Variants in NALF1 observed in about 807,000 individuals in gnomAD.
NALF1 encodes the protein NALCN channel auxiliary factor 1, also known as family with sequence similarity 155 member A.
Under a neutral mutation model 48.4 loss-of-function variants are expected in NALF1, and 3 were observed. The observed-to-expected ratio is 0.06, with a 90% CI of 0.03 to 0.16. NALF1 has a LOEUF of 0.16. Among genes scored for constraint, NALF1 ranks in the 10% least tolerant of loss-of-function variants. The probability of loss-of-function intolerance (pLI) is 1.00; values close to 1 mark genes in which losing one functional copy is unlikely to be tolerated. For synonymous variants in NALF1, 262 were observed against 245.7 expected, an observed-to-expected ratio of 1.07 and a Z score of -0.62; for missense variants, 526 against 571.5, an observed-to-expected ratio of 0.92 and a Z score of 0.81.
chr13:107,783,206 C>CTG (rs1877966803), intron 1 of NALF1, among the ~76,000 whole-genome samples: 1 of 127,362 alleles, frequency 7.9e-6, no homozygotes, highest in Non-Finnish European at 1.7e-5. Flanking sequence ...GTCAGTCCCC[C>CTG]GCCCGGCCAG....
intron 1 of NALF1, among the ~76,000 whole-genome samples, chr13:107,424,482 T>C (rs999270513): frequency 1.3e-5 from 2 of 152,160 alleles, no homozygotes; most frequent in African/African-American, 4.8e-5. Context: ...GGGGAGGTGA[T>C]AGGGATACTG....
intron 1 of NALF1, among the ~76,000 whole-genome samples, chr13:107,456,496 T>C (rs1487362981): frequency 2.0e-5 from 3 of 152,200 alleles, no homozygotes; most frequent in Non-Finnish European, 2.9e-5. Context: ...GTTAGATTAA[T>C]GAAATACTCA....
At chr13:107,269,882 G>A (rs1782905820) in intron 1 of NALF1, among the ~76,000 whole-genome samples, 1 of 149,000 alleles carries the variant, frequency 6.7e-6, no homozygotes, top group Non-Finnish European at 1.5e-5. Flanking sequence ...GAGTAGCTGG[G>A]ACTACAGGTG....
chr13:107,198,876 C>T (rs1879449329), intron 2 of NALF1, among the ~76,000 whole-genome samples: 1 of 152,162 alleles, frequency 6.6e-6, no homozygotes, highest in African/African-American at 2.4e-5. Flanking sequence ...TGTCTATATC[C>T]AAATTTCCCC....
At chr13:107,504,611 T>A (rs1379721778) in intron 1 of NALF1, among the ~76,000 whole-genome samples, 1 of 152,190 alleles carries the variant, frequency 6.6e-6, no homozygotes, top group Non-Finnish European at 1.5e-5. Flanking sequence ...AAGTTCAAAG[T>A]TCTTGATACC....
intron 1 of NALF1, among the ~76,000 whole-genome samples, chr13:107,253,193 TA>T (rs1880739715): frequency 6.6e-6 from 1 of 150,598 alleles, no homozygotes; most frequent in African/African-American, 2.4e-5. Flanking sequence ...TTTTTTGCAG[TA>T]ATCCCTTCTT....
At chr13:107,388,809 C>T (rs945700783) in intron 1 of NALF1, among the ~76,000 whole-genome samples, 25 of 151,622 alleles carry the variant, frequency 1.6e-4, no homozygotes, top group African/African-American at 2.2e-4. Context: ...ACCTGCACCA[C>T]GGCAGGGATA....
At chr13:107,811,034 A>G (rs935236847) in intron 1 of NALF1, among the ~76,000 whole-genome samples, 3 of 152,148 alleles carry the variant, frequency 2.0e-5, no homozygotes, top group Non-Finnish European at 2.9e-5. Context: ...ACGCACAATT[A>G]TATCCTGTGA....
At chr13:107,312,768 A>C (rs1409342626) in intron 1 of NALF1, among the ~76,000 whole-genome samples, 3 of 152,222 alleles carry the variant, frequency 2.0e-5, no homozygotes, top group Non-Finnish European at 2.9e-5. Flanking sequence ...GCAGAGTAAG[A>C]AAGCTTAACT....
chr13:107,288,929 C>T (rs1881560264), intron 1 of NALF1, among the ~76,000 whole-genome samples: 1 of 152,150 alleles, frequency 6.6e-6, no homozygotes, highest in African/African-American at 2.4e-5. Flanking sequence ...TTATTTGCTA[C>T]ATTTTGAAGT....
intron 1 of NALF1, among the ~76,000 whole-genome samples, chr13:107,341,960 G>A (rs1231553390): frequency 3.3e-5 from 5 of 151,910 alleles, no homozygotes; most frequent in Non-Finnish European, 5.9e-5. Flanking sequence ...TAAATTCTCA[G>A]TAGGTGTTTG....
chr13:107,245,903 A>G (rs1043156263), intron 1 of NALF1, among the ~76,000 whole-genome samples: 2 of 152,120 alleles, frequency 1.3e-5, no homozygotes, highest in African/African-American at 2.4e-5. Flanking sequence ...TGGAGTGTGC[A>G]TGGTTCCTCC....
At chr13:107,354,567 C>A (rs1038249706) in intron 1 of NALF1, among the ~76,000 whole-genome samples, 1 of 152,114 alleles carries the variant, frequency 6.6e-6, no homozygotes, top group African/African-American at 2.4e-5. Context: ...AGGTCCGCCC[C>A]CGAACAATAG....
At chr13:107,301,859 AAG>A (rs151263631) in intron 1 of NALF1, among the ~76,000 whole-genome samples, 154 of 152,316 alleles carry the variant, frequency 1.0e-3, no homozygotes, top group Non-Finnish European at 1.4e-3. Context: ...ATTAGGCTGT[AAG>A]AGATCAACCC....
chr13:107,566,483 G>A (rs897778840), intron 1 of NALF1, among the ~76,000 whole-genome samples: 4 of 152,050 alleles, frequency 2.6e-5, no homozygotes, highest in Non-Finnish European at 4.4e-5. Context: ...TAGGTCCATC[G>A]GCTGGATACC....
At chr13:107,687,121 TA>T (rs1216056640) in intron 1 of NALF1, among the ~76,000 whole-genome samples, 2 of 152,158 alleles carry the variant, frequency 1.3e-5, no homozygotes, top group African/African-American at 4.8e-5. Flanking sequence ...TATGTAGCCA[TA>T]AAAAATGAAA....
intron 1 of NALF1, among the ~76,000 whole-genome samples, chr13:107,843,313 T>C (rs2138636626): frequency 6.6e-6 from 1 of 152,262 alleles, no homozygotes; most frequent in East Asian, 1.9e-4. Context: ...TAGCGTGAAG[T>C]CACACAGCTT....
intron 1 of NALF1, among the ~76,000 whole-genome samples, chr13:107,561,274 T>C (rs1877636951): frequency 6.6e-6 from 1 of 152,230 alleles, no homozygotes; most frequent in Non-Finnish European, 1.5e-5. Flanking sequence ...CATGTTGTAC[T>C]TAGGTGCCAT....
rs1566498071 is a variant in NALF1 at position 107,828,602 on chromosome 13, T to TACACACA, written c.915+37079_915+37080insTGTGTGT. On this transcript the variant is annotated intron_variant, in intron 1 of 2. Transcript: ENST00000375915. ...ATCTATCTATCTATCTATATCTATA[T>TACACACA]CTATACACACACACACACACACACA... Among the ~76,000 whole-genome samples the TACACACA allele has an allele frequency of 9.7e-3, 422 of 43,326 alleles. 4 individuals are homozygous for TACACACA. Among genetic ancestry groups the TACACACA allele is most frequent in the South Asian group, 0.031 (59 of 1,928 alleles). The allele number at this position is 43,326 out of a possible 152,430, so 28.4% of individuals were successfully genotyped here.
Sources: gnomAD v4.1 joint callset for allele counts (sites outside exome capture counted in the v4.1 genomes callset) on GRCh38, gnomAD v4.1.1 for gene constraint, MANE v1.5 for transcripts, NCBI Gene and HGNC (gene_info 2026-07-23, HGNC 2026-07-21) for gene names.